STXBP5L: variants seen among roughly 807,000 people sequenced by gnomAD.
STXBP5L encodes syntaxin binding protein 5L.
Under a neutral mutation model 144.5 loss-of-function variants are expected in STXBP5L, and 65 were observed. The observed-to-expected ratio is 0.45, with a 90% CI of 0.37 to 0.55. The LOEUF is 0.55. Ranked by LOEUF, STXBP5L falls within the 20% of genes least tolerant of loss-of-function variation. The pLI is 0.00. For synonymous variants in STXBP5L, 505 were observed against 469.6 expected (o/e 1.08, Z -0.97); for missense variants, 1,298 against 1,405.5 (o/e 0.92, Z 1.22).
chr3:121,002,410 G>C (rs1943860111), intron 3 of STXBP5L, among the ~76,000 whole-genome samples: 1 of 151,710 alleles, frequency 6.6e-6, no homozygotes, highest in South Asian at 2.1e-4. Flanking sequence ...GGTTTTTTTT[G>C]TTATTGAGTT....
intron 20 of STXBP5L, among the ~76,000 whole-genome samples, chr3:121,339,061 C>G (rs750113593): frequency 2.6e-5 from 4 of 152,074 alleles, no homozygotes; most frequent in Non-Finnish European, 5.9e-5. Flanking sequence ...GCCAGTATCA[C>G]CTTGATACCA....
At chr3:121,408,344 T>C (rs567995266) in intron 23 of STXBP5L, among the ~76,000 whole-genome samples, 1 of 152,052 alleles carries the variant, frequency 6.6e-6, no homozygotes, top group South Asian at 2.1e-4. Context: ...TCTCACTTAT[T>C]TCCAAAAATC....
chr3:121,350,235 T>G (rs770631818), intron 20 of STXBP5L, among the ~76,000 whole-genome samples: 4 of 152,176 alleles, frequency 2.6e-5, no homozygotes, highest in Admixed American at 2.6e-4. Flanking sequence ...TTTGGCTGGA[T>G]ATGAAGTTCT....
At chr3:121,416,394 CT>C in intron 25 of STXBP5L, among the ~76,000 whole-genome samples, 1 of 150,358 alleles carries the variant, frequency 6.7e-6, no homozygotes, top group East Asian at 2.0e-4. Context: ...GAATAAATTA[CT>C]TTAAAAATCT....
rs141590814 is a variant in STXBP5L at position 121,308,114 on chromosome 3, G to A, written c.2111-10361G>A. 6.2e-4 allele frequency among the ~76,000 whole-genome samples: 94 copies of A among 152,270 alleles called. 1 individual carries two copies. The East Asian group carries it at 0.016, about 26-fold the overall frequency. ...ACACTGGGGCCTGTTGTTGGAGCAG[G>A]GGGAGGGAGAGCATCAGGATAAATA... On this transcript the variant is annotated intron_variant, in intron 19 of 26. Transcript: ENST00000471454.
At chr3:121,230,554 A>C (rs947971853) in intron 11 of STXBP5L, among the ~76,000 whole-genome samples, 2 of 152,054 alleles carry the variant, frequency 1.3e-5, no homozygotes, top group African/African-American at 4.8e-5. Flanking sequence ...CAACAATCTT[A>C]GACTAGTCCC....
At chr3:120,974,227 T>G (rs571433810) in intron 3 of STXBP5L, among the ~76,000 whole-genome samples, 1 of 152,114 alleles carries the variant, frequency 6.6e-6, no homozygotes, top group Non-Finnish European at 1.5e-5. Flanking sequence ...TTTTAATGAT[T>G]GCCATTCTAA....
intron 5 of STXBP5L, among the ~76,000 whole-genome samples, chr3:121,067,743 C>A (rs2107650885): frequency 6.6e-6 from 1 of 152,224 alleles, no homozygotes; most frequent in South Asian, 2.1e-4. Flanking sequence ...TTTAGAATTT[C>A]TCTTTTTAGT....
At chr3:121,387,461 A>G (rs1357932097) in intron 22 of STXBP5L, among the ~76,000 whole-genome samples, 1 of 152,132 alleles carries the variant, frequency 6.6e-6, no homozygotes, top group Non-Finnish European at 1.5e-5. Context: ...TTGGTGTTTT[A>G]GTCATGAAGT....
chr3:120,916,216 A>G (rs1709093958), intron 2 of STXBP5L, among the ~76,000 whole-genome samples: 1 of 152,196 alleles, frequency 6.6e-6, no homozygotes, highest in Non-Finnish European at 1.5e-5. Context: ...ATGGTATATA[A>G]TGATGCTATA....
chr3:121,414,555 A>T (rs1444791376), intron 24 of STXBP5L, among the ~76,000 whole-genome samples: 3 of 152,212 alleles, frequency 2.0e-5, no homozygotes, highest in African/African-American at 7.2e-5. Context: ...TTATGGGCAC[A>T]ACTGACTTCC....
At chr3:121,199,174 T>C (rs2048038944) in intron 9 of STXBP5L, among the ~76,000 whole-genome samples, 1 of 152,188 alleles carries the variant, frequency 6.6e-6, no homozygotes, top group South Asian at 2.1e-4. Flanking sequence ...TGGTTTGTCA[T>C]TCTCCTTGAA....
At chr3:121,397,776 G>C (rs1174857486) in intron 22 of STXBP5L, among the ~76,000 whole-genome samples, 1 of 152,180 alleles carries the variant, frequency 6.6e-6, no homozygotes, top group African/African-American at 2.4e-5. Flanking sequence ...AATTATAATT[G>C]GTTGAATAGT....
intron 5 of STXBP5L, among the ~76,000 whole-genome samples, chr3:121,059,652 G>T (rs1487967053): frequency 6.6e-6 from 1 of 152,038 alleles, no homozygotes; most frequent in Non-Finnish European, 1.5e-5. Context: ...TTATTTCCTT[G>T]AGCAGTGGTT....
intron 7 of STXBP5L, among the ~76,000 whole-genome samples, chr3:121,129,233 C>T (rs1364550235): frequency 6.6e-6 from 1 of 151,934 alleles, no homozygotes; most frequent in African/African-American, 2.4e-5. Flanking sequence ...GGTTTGCTTA[C>T]CCTGTAATTA....
At chr3:121,153,823 A>C (rs1254512314) in intron 8 of STXBP5L, among the ~76,000 whole-genome samples, 1 of 151,914 alleles carries the variant, frequency 6.6e-6, no homozygotes, top group Non-Finnish European at 1.5e-5. Flanking sequence ...TTATAATCAA[A>C]TTCTTCAGCA....
intron 19 of STXBP5L, 85 bp from the exon 20 acceptor site, chr3:121,318,389 CT>C: frequency 1.0e-6 from 1 of 967,968 alleles, no homozygotes; most frequent in Admixed American, 2.9e-5. Context: ...AAAAAAAAGC[CT>C]TTTAAACTTG....
chr3:121,186,865 T>C (rs2047404892), intron 9 of STXBP5L, among the ~76,000 whole-genome samples: 1 of 152,132 alleles, frequency 6.6e-6, no homozygotes, highest in Non-Finnish European at 1.5e-5. Context: ...CACAATGAGA[T>C]ACCATCTCAC....
At chr3:120,992,896 T>C (rs1261261550) in intron 3 of STXBP5L, among the ~76,000 whole-genome samples, 1 of 152,150 alleles carries the variant, frequency 6.6e-6, no homozygotes, top group Non-Finnish European at 1.5e-5. Flanking sequence ...CTGTAATGCC[T>C]ATACTAATTT....
Sources: gnomAD v4.1 joint callset for allele counts (sites outside exome capture counted in the v4.1 genomes callset) on GRCh38, gnomAD v4.1.1 for gene constraint, MANE v1.5 for transcripts, NCBI Gene and HGNC (gene_info 2026-07-23, HGNC 2026-07-21) for gene names.